The following FBXL17 variants were observed in gnomAD, a reference collection of about 807,000 sequenced individuals.
The protein encoded by FBXL17 is F-box/LRR-repeat protein 17.
FBXL17 carries 22 observed loss-of-function variants against 66.2 expected under a neutral mutation model. The ratio of observed to expected loss-of-function variants is 0.33; its 90% confidence interval spans 0.24 to 0.47. FBXL17 has a LOEUF of 0.47. Ranked by LOEUF, FBXL17 falls within the 20% of genes least tolerant of loss-of-function variation. The pLI is 1.00. For synonymous variants in FBXL17, 474 were observed against 400.5 expected (o/e 1.18, Z -2.19); for missense variants, 878 against 948.2 (o/e 0.93, Z 0.97).
intron 2 of FBXL17, among the ~76,000 whole-genome samples, chr5:108,366,778 G>A (rs1178557132): frequency 6.6e-6 from 1 of 152,044 alleles, no homozygotes; most frequent in Non-Finnish European, 1.5e-5. Context: ...TATCTTAATA[G>A]TTTTAACCTC....
chr5:107,877,321 T>G (rs1250788822), intron 8 of FBXL17, among the ~76,000 whole-genome samples: 1 of 152,184 alleles, frequency 6.6e-6, no homozygotes, highest in African/African-American at 2.4e-5. Flanking sequence ...TGTTTGACAA[T>G]CCAAGTACAT....
At chr5:108,359,578 T>A (rs555647907) in intron 3 of FBXL17, among the ~76,000 whole-genome samples, 191 of 152,300 alleles carry the variant, frequency 1.3e-3, no homozygotes, top group African/African-American at 4.4e-3. Context: ...ACTCTGTTAT[T>A]TAATTTCTAC....
chr5:108,088,700 CAAAAAAAAAAAAAAAAAAAAAAAA>C (rs57707936), intron 6 of FBXL17, among the ~76,000 whole-genome samples: 3 of 49,300 alleles, frequency 6.1e-5, no homozygotes, highest in African/African-American at 8.7e-5. Flanking sequence ...GACTCTATCT[CAAAAAAAAAAAAAAAAAAAAAAAA>C]AAAAAAAAAA....
intron 3 of FBXL17, among the ~76,000 whole-genome samples, chr5:108,359,792 T>C (rs1748225379): frequency 6.6e-6 from 1 of 152,158 alleles, no homozygotes; most frequent in South Asian, 2.1e-4. Context: ...GTACTGTACA[T>C]ATCTGCTAGG....
In FBXL17 at chr5:107,896,289, T is replaced by C. The variant is rs527659628; in HGVS notation, c.1823-15110A>G. The stretch of plus-strand genomic sequence containing the variant: ...TTTAGGTTAATTTGACTAATATTTG[T>C]TGTATGATTACTTCATGCAAAATAA... On this transcript the variant is annotated intron_variant, in intron 7 of 8. Transcript: ENST00000542267. Among the ~76,000 whole-genome samples the C allele has an allele frequency of 3.3e-5, 5 of 152,278 alleles. No homozygotes were observed. In the South Asian group the frequency reaches 6.2e-4, roughly 19 times the overall value.
chr5:108,232,782 C>CATATATATATATATAT lies in FBXL17; in HGVS notation c.1507-8570_1507-8555dup, dbSNP rs34650348. 9.6e-3 allele frequency among the ~76,000 whole-genome samples: 749 copies of CATATATATATATATAT among 78,070 alleles called. 51 individuals are homozygous for CATATATATATATATAT. The highest frequency in any genetic ancestry group is 0.022 in the Middle Eastern group (3 of 134). The allele number at this position is 78,070 out of a possible 152,430, so 51.2% of individuals were successfully genotyped here. On this transcript the variant is annotated intron_variant, in intron 4 of 8. Transcript: ENST00000542267. Reference sequence around the variant, plus strand: ...TAAGTTAATACTGAATAAGCTCTCACATATATATATATATATATATATAAT... The same window carrying CATATATATATATATAT: ...TAAGTTAATACTGAATAAGCTCTCACATATATATATATATATATATATATATATATATATATATAAT...
At chr5:108,330,381 A>G (rs1760066094) in intron 4 of FBXL17, among the ~76,000 whole-genome samples, 1 of 152,226 alleles carries the variant, frequency 6.6e-6, no homozygotes, top group Non-Finnish European at 1.5e-5. Flanking sequence ...ATTGTTTTAA[A>G]AAGTATGCAA....
intron 7 of FBXL17, among the ~76,000 whole-genome samples, chr5:107,980,664 A>ATATATATATTTTTTT: frequency 1.3e-4 from 8 of 62,078 alleles, no homozygotes; most frequent in African/African-American, 8.2e-4. Context: ...ATATATATAT[A>ATATATATATTTTTTT]TTTTTTTTTT....
Position 108,380,904 on chromosome 5 carries a change from G to A in FBXL17, c.788C>T (p.Ser263Phe). Residue 263 changes from serine to phenylalanine, a missense_variant, in exon 1 of 9, where the codon TCT becomes TTT. By Grantham distance (155) the Ser-to-Phe change is radical (BLOSUM62 -2). Transcript: ENST00000542267. ...GGGGGCACCTTCGGAGGTGGGAGAA[G>A]AGGGCGGAGGGCAGAGCGGCTGCGG... ...QPPQPLCPPP[S>F]SPTSEGAPTE... 3 of 1,231,202 alleles carry A rather than the reference G, an allele frequency of 2.4e-6. No individual in the cohort carries two copies. Among genetic ancestry groups the A allele is most frequent in the East Asian group, 3.2e-5 (1 of 31,590 alleles). The allele number at this position is 1,231,202 out of a possible 1,614,324, so 76.3% of individuals were successfully genotyped here.
chr5:108,161,105 AAG>A (rs1752194228), intron 6 of FBXL17, among the ~76,000 whole-genome samples: 2 of 152,144 alleles, frequency 1.3e-5, no homozygotes, highest in South Asian at 4.1e-4. Context: ...GTAGCCTGTT[AAG>A]AGAGTCCCGG....
At chr5:108,156,285 A>C (rs1751994070) in intron 6 of FBXL17, among the ~76,000 whole-genome samples, 1 of 152,014 alleles carries the variant, frequency 6.6e-6, no homozygotes, top group Admixed American at 6.5e-5. Flanking sequence ...TTAGGTGTTC[A>C]GTATACATAT....
At chr5:108,020,769 T>C in intron 7 of FBXL17, 156 bp downstream of exon 7, 1 of 545,978 alleles carries the variant, frequency 1.8e-6, no homozygotes, top group South Asian at 2.5e-5. Context: ...TCTTAGCTCA[T>C]AATTTTTTTA....
intron 6 of FBXL17, among the ~76,000 whole-genome samples, chr5:108,148,920 A>G (rs1751663434): frequency 6.6e-6 from 1 of 152,226 alleles, no homozygotes; most frequent in South Asian, 2.1e-4. Flanking sequence ...CATGTTTATA[A>G]TCTCTTAAAT....
chr5:108,072,474 C>T (rs1057040303), intron 6 of FBXL17, among the ~76,000 whole-genome samples: 25 of 152,234 alleles, frequency 1.6e-4, no homozygotes, highest in Admixed American at 8.5e-4. Flanking sequence ...GAGGCTGAGG[C>T]GGGTGGATCA....
At chr5:108,007,044 G>A (rs1325263081) in intron 7 of FBXL17, among the ~76,000 whole-genome samples, 2 of 152,180 alleles carry the variant, frequency 1.3e-5, no homozygotes, top group African/African-American at 2.4e-5. Flanking sequence ...CCAGATTGCA[G>A]GGAACGCTCT....
At chr5:108,370,729 C>G (rs1425079915) in intron 1 of FBXL17, among the ~76,000 whole-genome samples, 2 of 148,216 alleles carry the variant, frequency 1.3e-5, no homozygotes, top group Non-Finnish European at 3.0e-5. Context: ...TGCAACAGAG[C>G]AAGACTCCTT....
intron 6 of FBXL17, among the ~76,000 whole-genome samples, chr5:108,078,249 G>A (rs1252392950): frequency 6.6e-6 from 1 of 152,136 alleles, no homozygotes; most frequent in African/African-American, 2.4e-5. Context: ...GAAGATATGA[G>A]ATGATATACT....
chr5:108,349,315 G>A (rs1285176522), intron 3 of FBXL17, among the ~76,000 whole-genome samples: 1 of 152,118 alleles, frequency 6.6e-6, no homozygotes. Flanking sequence ...AAAAGGGACT[G>A]AAATACATAC....
intron 6 of FBXL17, among the ~76,000 whole-genome samples, chr5:108,030,659 T>C (rs1262062853): frequency 6.6e-6 from 1 of 152,178 alleles, no homozygotes; most frequent in Non-Finnish European, 1.5e-5. Flanking sequence ...ACTTCTGCTC[T>C]ACACAAACAG....
Sources: allele counts gnomAD v4.1 joint callset (sites outside exome capture counted in the v4.1 genomes callset), GRCh38; gene constraint gnomAD v4.1.1; transcripts MANE v1.5; gene names NCBI Gene and HGNC (gene_info 2026-07-23, HGNC 2026-07-21).